The following PDE1A variants were observed in gnomAD, a reference collection of about 807,000 sequenced individuals.
The protein encoded by PDE1A is phosphodiesterase 1A.
In PDE1A, 35 loss-of-function variants were observed where a neutral mutation model predicts 61.7. The observed-to-expected ratio is 0.57, with a 90% CI of 0.43 to 0.75. The LOEUF (loss-of-function observed/expected upper bound fraction) is 0.75, where lower values mean the gene tolerates loss of function less well. Ranked by LOEUF, PDE1A falls within the 30% of genes least tolerant of loss-of-function variation. The pLI is 0.00. For synonymous variants in PDE1A, 232 were observed against 213.2 expected (o/e 1.09, Z -0.77); for missense variants, 597 against 630.6 (o/e 0.95, Z 0.57).
the PDE1A span, among the ~76,000 whole-genome samples, chr2:182,659,557 T>C: frequency 6.6e-6 from 1 of 152,232 alleles, no homozygotes; most frequent in Admixed American, 6.5e-5. Context: ...GTTATGTCTC[T>C]ATTATTTTAT....
chr2:182,390,911 CCT>C, intron 1 of PDE1A, among the ~76,000 whole-genome samples: 1 of 152,176 alleles, frequency 6.6e-6, no homozygotes, highest in Non-Finnish European at 1.5e-5. Context: ...GATGGCCTCC[CCT>C]GAGGCAGTTG....
chr2:182,314,534 A>ACCC (rs779425584), intron 1 of PDE1A: 4 of 152,284 alleles, frequency 2.6e-5, no homozygotes, highest in Non-Finnish European at 5.9e-5. Flanking sequence ...ACGTAGTGAG[A>ACCC]CCCTGCTTCT....
In PDE1A at chr2:182,466,666, A is replaced by G. The variant is rs141916911; in HGVS notation, c.101+55610T>C. Among the ~76,000 whole-genome samples, 5 of 152,106 alleles carry G rather than the reference A, an allele frequency of 3.3e-5. No homozygotes were observed. In the East Asian group the frequency reaches 9.7e-4, roughly 30 times the overall value. Reference sequence around the variant, plus strand: ...CAGAGAGCTATGTACACTGGTCTATAAACAGTAAGATCTTCAAAGAAGGGG... The same window carrying G: ...CAGAGAGCTATGTACACTGGTCTATGAACAGTAAGATCTTCAAAGAAGGGG... On this transcript the variant is annotated intron_variant, in intron 2 of 14. Coordinates refer to the PDE1A transcript ENST00000410103.
chr2:182,509,432 C>G (rs900177340), intron 2 of PDE1A, among the ~76,000 whole-genome samples: 1 of 152,074 alleles, frequency 6.6e-6, no homozygotes, highest in African/African-American at 2.4e-5. Context: ...TGGAAAAAAT[C>G]AAAACAAGAG....
intron 1 of PDE1A, among the ~76,000 whole-genome samples, chr2:182,389,823 A>G (rs960209917): frequency 6.6e-6 from 1 of 152,216 alleles, no homozygotes; most frequent in African/African-American, 2.4e-5. Flanking sequence ...TAAGGCAGGC[A>G]AAAGAAGGTG....
chr2:182,626,764 TATATATACATATATATACATATATATAC>T, the PDE1A span, among the ~76,000 whole-genome samples: 26 of 29,076 alleles, frequency 8.9e-4, 2 homozygotes, highest in Admixed American at 2.4e-3. Context: ...TATATATACA[TATATATACATATATATACATATATATAC>T]ATATATATAC....
intron 2 of PDE1A, among the ~76,000 whole-genome samples, chr2:182,496,471 T>C (rs1328143364): frequency 6.6e-6 from 1 of 152,260 alleles, no homozygotes; most frequent in Non-Finnish European, 1.5e-5. Context: ...TATAGCTCTG[T>C]CACAAACCGT....
rs2568667 is a variant in PDE1A at position 182,242,031 on chromosome 2, T to G, written c.168-1739A>C. On this transcript the variant is annotated intron_variant, in intron 2 of 13. Transcript: ENST00000351439. ...TCTCTTATGCAGTGATCAGATACAG[T>G]GTAGGTAGAACAAGTGGAATAGGAA... 912,951 of 1,347,370 alleles carry G rather than the reference T, an allele frequency of 0.68. 310,603 individuals are homozygous for G. Among genetic ancestry groups the G allele is most frequent in the African/African-American group, 0.83 (55,998 of 67,398 alleles). 83.5% of individuals were successfully genotyped at this position (1,347,370 alleles called of 1,614,324 possible).
At chr2:182,266,739 G>A (rs1692659380) in intron 1 of PDE1A, among the ~76,000 whole-genome samples, 1 of 152,146 alleles carries the variant, frequency 6.6e-6, no homozygotes, top group African/African-American at 2.4e-5. Context: ...AACTGTACCG[G>A]AAGGAGTTCT....
At chr2:182,230,885 C>T (rs1689523432) in intron 5 of PDE1A, 130 bp downstream of exon 5, 4 of 641,580 alleles carry the variant, frequency 6.2e-6, no homozygotes, top group South Asian at 5.7e-5. Flanking sequence ...GACCTCATCA[C>T]CTTAATTCTG....
chr2:182,341,065 G>C (rs769906868), intron 1 of PDE1A, among the ~76,000 whole-genome samples: 1 of 152,132 alleles, frequency 6.6e-6, no homozygotes, highest in South Asian at 2.1e-4. Context: ...ACAGGAATTT[G>C]GCTGTTCATT....
intron 1 of PDE1A, among the ~76,000 whole-genome samples, chr2:182,306,120 G>A (rs975077415): frequency 6.6e-6 from 1 of 152,012 alleles, no homozygotes; most frequent in African/African-American, 2.4e-5. Flanking sequence ...ACATAAATGA[G>A]AACATGTAGT....
At chr2:182,316,487 G>T (rs1327424017) in intron 1 of PDE1A, among the ~76,000 whole-genome samples, 1 of 152,104 alleles carries the variant, frequency 6.6e-6, no homozygotes, top group Non-Finnish European at 1.5e-5. Context: ...TGGGTCTTTT[G>T]AATTCTAATC....
At chr2:182,590,837 A>G in the PDE1A span, among the ~76,000 whole-genome samples, 1 of 152,138 alleles carries the variant, frequency 6.6e-6, no homozygotes, top group Non-Finnish European at 1.5e-5. Context: ...TGCACCCACT[A>G]ATTTGCACTG....
At chr2:182,222,708 G>C (rs1688829977) in intron 7 of PDE1A, among the ~76,000 whole-genome samples, 1 of 150,498 alleles carries the variant, frequency 6.6e-6, no homozygotes, top group Admixed American at 6.7e-5. Context: ...ATCTAAAACT[G>C]CTCTAAGAAA....
chr2:182,686,086 C>T, the PDE1A span, among the ~76,000 whole-genome samples: 1 of 152,138 alleles, frequency 6.6e-6, no homozygotes. Context: ...TCCTTCCCCT[C>T]CAATAGGCAA....
intron 1 of PDE1A, among the ~76,000 whole-genome samples, chr2:182,402,257 C>G (rs75771953): frequency 1.3e-5 from 2 of 152,222 alleles, no homozygotes; most frequent in East Asian, 3.9e-4. Flanking sequence ...AGGCATTATG[C>G]TACCTGACTT....
intron 7 of PDE1A, among the ~76,000 whole-genome samples, chr2:182,213,543 C>A (rs1296217824): frequency 3.0e-5 from 3 of 98,996 alleles, no homozygotes; most frequent in African/African-American, 1.2e-4. Context: ...GAATGTATAA[C>A]TAGAATAACC....
At chr2:182,505,967 G>A (rs1177680053) in intron 2 of PDE1A, among the ~76,000 whole-genome samples, 1 of 152,176 alleles carries the variant, frequency 6.6e-6, no homozygotes. Flanking sequence ...CACACATAAA[G>A]ATGCTTGTTC....
Sources: gnomAD v4.1 joint callset for allele counts (sites outside exome capture counted in the v4.1 genomes callset) on GRCh38, gnomAD v4.1.1 for gene constraint, MANE v1.5 for transcripts, NCBI Gene and HGNC (gene_info 2026-07-23, HGNC 2026-07-21) for gene names.